Variants in METTL8 observed in about 807,000 individuals in gnomAD.
The protein encoded by METTL8 is methyltransferase 8, tRNA N3-cytidine, also known as tRNA N(3)-cytidine methyltransferase METTL8, mitochondrial.
METTL8 carries 32 observed loss-of-function variants against 48.7 expected under a neutral mutation model. That is an observed-to-expected ratio of 0.66 (90% CI 0.50 to 0.88). The LOEUF (loss-of-function observed/expected upper bound fraction) is 0.88, where lower values mean the gene tolerates loss of function less well. Among genes scored for constraint, METTL8 ranks in the 40% least tolerant of loss-of-function variants. The probability of loss-of-function intolerance (pLI) is 0.00; values close to 1 mark genes in which losing one functional copy is unlikely to be tolerated. For missense variants in METTL8, 464 were observed against 474.4 expected, an observed-to-expected ratio of 0.98 and a Z score of 0.20; for synonymous variants, 136 against 157.1, an observed-to-expected ratio of 0.87 and a Z score of 1.01.
intron 1 of METTL8, among the ~76,000 whole-genome samples, chr2:171,421,325 G>A (rs1691850233): frequency 6.6e-6 from 1 of 152,150 alleles, no homozygotes; most frequent in Non-Finnish European, 1.5e-5. Flanking sequence ...TGTACTCCCA[G>A]CTACTCAGGA....
chr2:171,434,750 G>T, upstream of METTL8: 3 of 1,391,218 alleles, frequency 2.2e-6, no homozygotes, highest in Non-Finnish European at 2.8e-6. Context: ...CGGGCGCGCG[G>T]CGGCCGAGCC....
intron 6 of METTL8, 50 bp from the exon 7 acceptor site, chr2:171,330,748 G>T: frequency 2.0e-6 from 3 of 1,480,268 alleles, no homozygotes; most frequent in South Asian, 2.7e-5. Flanking sequence ...GTAGACTTCC[G>T]GGATTTTTTT....
chr2:171,397,836 C>T (rs1689261348), intron 1 of METTL8, among the ~76,000 whole-genome samples: 1 of 152,104 alleles, frequency 6.6e-6, no homozygotes, highest in Non-Finnish European at 1.5e-5. Context: ...TCCTTGAAAA[C>T]CATAACTTAC....
At chr2:171,382,002 T>A (rs1188309690) in intron 2 of METTL8, among the ~76,000 whole-genome samples, 1 of 152,142 alleles carries the variant, frequency 6.6e-6, no homozygotes, top group Non-Finnish European at 1.5e-5. Flanking sequence ...CAGGATGGTC[T>A]CAACCTCCTG....
Position 171,321,782 on chromosome 2 carries a change from A to T in METTL8, c.*2390T>A, listed in dbSNP as rs1225494339. 6.6e-6 allele frequency: 1 copy of T among 152,088 alleles called. No individual in the cohort carries two copies. The allele number at this position is 152,088 out of a possible 1,614,324, so 9.4% of individuals were successfully genotyped here. The stretch of plus-strand genomic sequence containing the variant: ...AGCTGTACTCTATTTATGCTCCCTG[A>T]AGAGCATAAACAAGGCTGGGTCTTT... On this transcript the variant is annotated 3_prime_UTR_variant, in exon 10 of 10. Transcript: ENST00000375258.
intron 5 of METTL8, among the ~76,000 whole-genome samples, chr2:171,337,104 C>T (rs972977661): frequency 1.3e-5 from 2 of 151,784 alleles, no homozygotes; most frequent in East Asian, 1.9e-4. Flanking sequence ...TGACCTCAAG[C>T]GATCCACCCG....
chr2:171,338,325 A>G (rs917432346), intron 4 of METTL8, among the ~76,000 whole-genome samples: 10 of 152,116 alleles, frequency 6.6e-5, no homozygotes, highest in African/African-American at 2.4e-4. Context: ...AACTTAGAAT[A>G]CATGTACAGT....
intron 1 of METTL8, chr2:171,433,287 A>T (rs550324713): frequency 6.7e-6 from 1 of 148,898 alleles, no homozygotes; most frequent in Admixed American, 6.6e-5. Flanking sequence ...CCCGGTAGGA[A>T]ATTATTATTT....
intron 1 of METTL8, among the ~76,000 whole-genome samples, chr2:171,423,580 G>T (rs1433468376): frequency 6.6e-6 from 1 of 152,124 alleles, no homozygotes; most frequent in Non-Finnish European, 1.5e-5. Context: ...TGAAGAACTT[G>T]TTGGGAACTG....
Position 171,320,219 on chromosome 2 carries a change from A to T in METTL8, c.*3953T>A, listed in dbSNP as rs1385423663. 1 of 151,720 alleles carries T rather than the reference A, an allele frequency of 6.6e-6. No individual in the cohort carries two copies. Among genetic ancestry groups the T allele is most frequent in the Non-Finnish European group, 1.5e-5 (1 of 67,954 alleles). The allele number at this position is 151,720 out of a possible 1,614,324, so 9.4% of individuals were successfully genotyped here. A position where few individuals can be genotyped will look rare whatever the true frequency, so the allele number is the denominator to read the frequency against. Reference sequence around the variant, plus strand: ...TGTAGGTAGGTTAAGAGACAGAAAGACTGACCAGGCAAGCAGAAGACACTG... The same window carrying T: ...TGTAGGTAGGTTAAGAGACAGAAAGTCTGACCAGGCAAGCAGAAGACACTG... On this transcript the variant is annotated 3_prime_UTR_variant, in exon 10 of 10. Transcript: ENST00000375258.
chr2:171,341,678 T>G (rs1380343256), intron 3 of METTL8, among the ~76,000 whole-genome samples: 1 of 152,194 alleles, frequency 6.6e-6, no homozygotes, highest in Non-Finnish European at 1.5e-5. Flanking sequence ...GCATGCCATT[T>G]TAAAAGTGCA....
intron 1 of METTL8, among the ~76,000 whole-genome samples, chr2:171,409,232 C>T (rs960766344): frequency 2.6e-5 from 4 of 152,104 alleles, no homozygotes; most frequent in African/African-American, 4.8e-5. Context: ...CCTATCAGTG[C>T]GTTCGTAAAA....
At position 171,342,582 on chromosome 2, in the gene METTL8, G is replaced by A. The variant is rs545680344; in HGVS notation, c.236-3028C>T. ...TTATAAAAGAGTCAAATTTCTCCAG[G>A]GTCTTCTCAAGCTTTCTCTTCTTCC... On this transcript the variant is annotated intron_variant, in intron 3 of 9. Transcript: ENST00000375258. Among the ~76,000 whole-genome samples, 17 of 151,354 alleles carry A rather than the reference G, an allele frequency of 1.1e-4. No homozygotes were observed. In the South Asian group the frequency reaches 1.3e-3, roughly 11 times the overall value.
chr2:171,388,804 A>G (rs1688311766), intron 2 of METTL8, among the ~76,000 whole-genome samples: 1 of 152,236 alleles, frequency 6.6e-6, no homozygotes, highest in Non-Finnish European at 1.5e-5. Flanking sequence ...GCAATATTTC[A>G]AACTATTTCA....
At chr2:171,329,764 G>C (rs1278618869) in intron 7 of METTL8, among the ~76,000 whole-genome samples, 1 of 152,190 alleles carries the variant, frequency 6.6e-6, no homozygotes. Flanking sequence ...ATGGAAAAGG[G>C]TCACACTCAT....
At chr2:171,332,285 T>G (rs1044183063) in intron 5 of METTL8, 16 of 118,514 alleles carry the variant, frequency 1.4e-4, no homozygotes, top group African/African-American at 5.5e-4. Context: ...CCCCCGCCCC[T>G]CAGCTTTTTT....
rs151161397 is a variant in METTL8 at position 171,339,267 on chromosome 2, T to C, written c.523A>G (p.Asn175Asp). 6.2e-6 allele frequency: 10 copies of C among 1,612,272 alleles called. No homozygotes were observed. Among genetic ancestry groups the C allele is most frequent in the South Asian group, 1.1e-5 (1 of 90,810 alleles). The change falls in exon 4 of 10, where the codon AAC becomes GAC. Residue 175 changes from asparagine to aspartate, a missense_variant. Transcript: ENST00000375258. ...TTTTTGTGTTTTTCAGAGTCTAGGT[T>C]GGAAAAATCAGATTCTGTTTTGCTT... The part of the protein sequence containing the change: ...GQSKTESDFS[N>D]LDSEKHKKGP...
At chr2:171,328,238 AAAATGTATTG>A (rs544301195) in intron 7 of METTL8, among the ~76,000 whole-genome samples, 84 of 152,264 alleles carry the variant, frequency 5.5e-4, no homozygotes, top group African/African-American at 1.9e-3. Context: ...GAAGAGATAA[AAAATGTATTG>A]ACTGCCTGCT....
intron 3 of METTL8, among the ~76,000 whole-genome samples, chr2:171,345,232 G>A (rs758848526): frequency 2.0e-5 from 3 of 152,034 alleles, no homozygotes; most frequent in African/African-American, 2.4e-5. Flanking sequence ...GAATATGCAC[G>A]CTAACCATCC....
Sources: gnomAD v4.1 joint callset for allele counts (sites outside exome capture counted in the v4.1 genomes callset) on GRCh38, gnomAD v4.1.1 for gene constraint, MANE v1.5 for transcripts, NCBI Gene and HGNC (gene_info 2026-07-23, HGNC 2026-07-21) for gene names.